MADD: variants seen among roughly 807,000 people sequenced by gnomAD.
The protein encoded by MADD is MAP kinase-activating death domain protein.
MADD carries 109 observed loss-of-function variants against 176.7 expected under a neutral mutation model. That is an observed-to-expected ratio of 0.62 (90% CI 0.53 to 0.72). The LOEUF is 0.72. MADD is among the 30% of genes least tolerant of loss of function. The probability of loss-of-function intolerance (pLI) is 0.00; values close to 1 mark genes in which losing one functional copy is unlikely to be tolerated. For missense variants in MADD, 1,914 were observed against 2,045.5 expected (o/e 0.94, Z 1.24); for synonymous variants, 771 against 771.3 (o/e 1.00, Z 0.01).
chr11:47,313,842 C>T (rs1270021231), intron 26 of MADD, among the ~76,000 whole-genome samples: 1 of 151,974 alleles, frequency 6.6e-6, no homozygotes, highest in Non-Finnish European at 1.5e-5. Flanking sequence ...TCACTACAAC[C>T]TCCGCCTCCC....
chr11:47,275,155 C>A (rs764397142), exon 3 of MADD: 1 of 1,611,262 alleles, frequency 6.2e-7, no homozygotes, highest in Non-Finnish European at 8.5e-7. Context: ...TCGAGGCGTA[C>A]AAAGGTACAG....
chr11:47,289,618 G>C, intron 16 of MADD, 125 bp downstream of exon 17: 2 of 876,372 alleles, frequency 2.3e-6, no homozygotes, highest in Non-Finnish European at 3.7e-6. Flanking sequence ...TCAATTTCTT[G>C]CCAGCACTTC....
chr11:47,271,638 A>G (rs950333697), intron 1 of MADD, among the ~76,000 whole-genome samples: 20 of 151,956 alleles, frequency 1.3e-4, no homozygotes, highest in African/African-American at 4.6e-4. Context: ...GTAAACATAG[A>G]TTGCAAGGTG....
intron 5 of MADD, 89 bp downstream of exon 5, chr11:47,276,952 G>T: frequency 6.9e-7 from 1 of 1,453,906 alleles, no homozygotes; most frequent in Non-Finnish European, 9.4e-7. Flanking sequence ...GTGAGTGCTG[G>T]TCCTCAATCC....
At chr11:47,324,819 G>A in intron 30 of MADD, 1 of 662,906 alleles carries the variant, frequency 1.5e-6, no homozygotes. Flanking sequence ...GCGAGGCCAG[G>A]TGGCCACGCT....
chr11:47,290,397 C>A, intron 18 of MADD, 98 bp downstream of exon 19: 1 of 1,465,646 alleles, frequency 6.8e-7, no homozygotes, highest in Non-Finnish European at 9.2e-7. Context: ...TTTCCCAGTG[C>A]CACGCTGCTT....
In MADD at chr11:47,309,415, G is replaced by A. The variant is rs2086030849; in HGVS notation, c.3872+14G>A. 1 of 1,614,002 alleles carries A rather than the reference G, an allele frequency of 6.2e-7. No individual in the cohort carries two copies. ...AATGATCGACAGGTATGGGGCTTAG[G>A]AAACCATTGGGAATCAGCAAACTCA... is the stretch of plus-strand genomic sequence containing the variant. On this transcript the variant is annotated intron_variant, in intron 24 of 32. Transcript: ENST00000402192.
At chr11:47,286,051 C>G (rs2060405885) in intron 14 of MADD, among the ~76,000 whole-genome samples, 1 of 152,186 alleles carries the variant, frequency 6.6e-6, no homozygotes, top group African/African-American at 2.4e-5. Context: ...TGAAGACAGA[C>G]CATGGACTAG....
At chr11:47,278,353 T>C (rs2052594603) in intron 6 of MADD, 75 bp downstream of exon 6, 6 of 1,085,222 alleles carry the variant, frequency 5.5e-6, no homozygotes, top group Non-Finnish European at 8.5e-6. Context: ...GATATCTGTT[T>C]CTAGATTCCT....
exon 8 of MADD, chr11:47,281,685 C>A (rs761852597): frequency 1.2e-6 from 2 of 1,613,558 alleles, no homozygotes; most frequent in South Asian, 2.2e-5. Flanking sequence ...ACCTGCAGTC[C>A]ACACCGTCCA....
At chr11:47,285,542 G>A (rs760678538) in exon 14 of MADD, 60 of 1,614,034 alleles carry the variant, frequency 3.7e-5, no homozygotes, top group Non-Finnish European at 4.7e-5. Flanking sequence ...CAACTCCACC[G>A]TCTCCAACAC....
Position 47,288,542 on chromosome 11 carries a change from G to A in MADD, c.2654-849G>A, listed in dbSNP as rs367835548. ...TTTCATTGCATGCTGATGCTTTGTC[G>A]CATTTGCTGCACTTACCCTCTCACC... On this transcript the variant is annotated intron_variant, in intron 15 of 32. Coordinates refer to ENST00000402192, the Ensembl canonical transcript of MADD. 6.6e-5 allele frequency among the ~76,000 whole-genome samples: 10 copies of A among 152,262 alleles called. No homozygotes were observed. The South Asian group carries it at 1.7e-3, about 25-fold the overall frequency.
At chr11:47,306,580 A>G (rs981273484) in intron 22 of MADD, among the ~76,000 whole-genome samples, 3 of 151,710 alleles carry the variant, frequency 2.0e-5, no homozygotes, top group East Asian at 3.9e-4. Flanking sequence ...TGTCTTGCTT[A>G]CTTCCTTGCT....
chr11:47,295,758 T>A, intron 21 of MADD, 139 bp from the exon 24 acceptor site: 1 of 1,520,528 alleles, frequency 6.6e-7, no homozygotes, highest in Non-Finnish European at 8.8e-7. Flanking sequence ...TCTCATCTTA[T>A]AAAGAAGGTA....
chr11:47,289,265 C>G (rs116247950), intron 15 of MADD, 126 bp from the exon 17 acceptor site: 6 of 856,950 alleles, frequency 7.0e-6, no homozygotes, highest in Middle Eastern at 3.5e-4. Flanking sequence ...ACGTATGATG[C>G]CTTGGTGCTA....
At chr11:47,280,502 T>G (rs533784364) in intron 7 of MADD, among the ~76,000 whole-genome samples, 30 of 152,306 alleles carry the variant, frequency 2.0e-4, no homozygotes, top group Non-Finnish European at 4.0e-4. Context: ...ATGATTGCTT[T>G]AGTATGACTA....
At chr11:47,309,538 C>G (rs750907979) in exon 25 of MADD, 1 of 1,614,082 alleles carries the variant, frequency 6.2e-7, no homozygotes, top group Non-Finnish European at 8.5e-7. Context: ...TGACCGGAAG[C>G]GCCTGGAAGA....
intron 31 of MADD, 174 bp downstream of exon 35, chr11:47,326,981 G>A: frequency 7.2e-7 from 1 of 1,384,140 alleles, no homozygotes; most frequent in South Asian, 1.8e-5. Context: ...GGATGTGGAA[G>A]GGAAAGATAG....
At chr11:47,288,233 G>C (rs1421718718) in intron 15 of MADD, among the ~76,000 whole-genome samples, 1 of 152,190 alleles carries the variant, frequency 6.6e-6, no homozygotes, top group African/African-American at 2.4e-5. Context: ...GAGGTACAGT[G>C]AGCTATAATT....
Sources: gnomAD v4.1 joint callset for allele counts (sites outside exome capture counted in the v4.1 genomes callset) on GRCh38, gnomAD v4.1.1 for gene constraint, MANE v1.5 for transcripts, NCBI Gene and HGNC (gene_info 2026-07-23, HGNC 2026-07-21) for gene names.